Variants in ITIH3 observed in about 807,000 individuals in gnomAD.
ITIH3 encodes inter-alpha-trypsin inhibitor heavy chain H3.
ITIH3 carries 81 observed loss-of-function variants against 96.5 expected under a neutral mutation model. That is an observed-to-expected ratio of 0.84 (90% CI 0.70 to 1.01). The LOEUF (loss-of-function observed/expected upper bound fraction) is 1.01. Among genes scored for constraint, ITIH3 ranks in the 50% least tolerant of loss-of-function variants. The pLI, the probability that ITIH3 is intolerant of heterozygous loss-of-function variation, is 0.00. For missense variants in ITIH3, 1,057 were observed against 1,139.3 expected (o/e 0.93, Z 1.04); for synonymous variants, 422 against 445.2 (o/e 0.95, Z 0.66).
In ITIH3 at chr3:52,803,300, TTATTTATTTTATTTTATTATTATTA is replaced by T. The variant is rs1336788709; in HGVS notation, c.1709+496_1709+520del. ...TTTATTTATTTATTTATTTATTTAT[TTATTTATTTTATTTTATTATTATTA>T]TTTTTTTTTTTGAGACGGAGTCTCG... is the stretch of plus-strand genomic sequence containing the variant. On this transcript the variant is annotated intron_variant, in intron 13 of 21. Transcript: ENST00000449956. Among the ~76,000 whole-genome samples, 217 of 137,472 alleles carry T rather than the reference TTATTTATTTTATTTTATTATTATTA, an allele frequency of 1.6e-3. 7 individuals carry two copies. In the South Asian group the frequency reaches 0.043, roughly 27 times the overall value. The allele number at this position is 137,472 out of a possible 152,430, so 90.2% of individuals were successfully genotyped here.
intron 1 of ITIH3, among the ~76,000 whole-genome samples, chr3:52,795,243 G>T (rs970527849): frequency 4.6e-5 from 7 of 152,242 alleles, no homozygotes; most frequent in African/African-American, 7.2e-5. Context: ...TGTGGCGGGG[G>T]CAGGGGTGCT....
rs771958570 is a variant in ITIH3, at chr3:52,797,140, C to T, written c.422C>T (p.Ser141Leu). 150 of 1,609,566 alleles carry T rather than the reference C, an allele frequency of 9.3e-5. No individual in the cohort carries two copies. Among genetic ancestry groups the T allele is most frequent in the Admixed American group, 8.1e-4 (48 of 59,538 alleles). ...SGRKLEKFTV[S>L]VNVAAGSKVT... ...AGGAAGTTGGAGAAGTTCACAGTCTCGGTCAACGTGGCTGCAGGCAGCAAA... is the reference window on the plus strand; with the variant it reads ...AGGAAGTTGGAGAAGTTCACAGTCTTGGTCAACGTGGCTGCAGGCAGCAAA... The change falls in exon 5 of 22, where the codon TCG becomes TTG. Residue 141 changes from serine to leucine, a missense_variant. Ser to Leu is a moderately radical substitution (Grantham distance 145). Transcript: ENST00000449956.
Position 52,802,648 on chromosome 3 carries a change from CCTT to C in ITIH3, c.1570-16_1570-14del, listed in dbSNP as rs768459884. 6.2e-7 allele frequency: 1 copy of C among 1,613,704 alleles called. No homozygotes were observed. Among genetic ancestry groups the C allele is most frequent in the Non-Finnish European group, 8.5e-7 (1 of 1,179,862 alleles). ...CACCCAAGCCTCCAGCCCCTTGCCT[CCTT>C]CTACCCCCACCCTAGGCCACCAACG... is the stretch of plus-strand genomic sequence containing the variant. On this transcript the variant is annotated splice_polypyrimidine_tract_variant and intron_variant, in intron 12 of 21. Coordinates refer to ENST00000449956, the MANE Select transcript of ITIH3 (RefSeq NM_002217.4).
intron 8 of ITIH3, 54 bp downstream of exon 8, chr3:52,799,542 AT>A (rs922863466): frequency 0.039 from 37,602 of 968,164 alleles, no homozygotes; most frequent in South Asian, 0.059. Context: ...GGTGGAAGAG[AT>A]TTTTTTTTTT....
chr3:52,795,554 GTTGGCC>G (rs1699547631), intron 1 of ITIH3, 43 bp from the exon 2 acceptor site: 2 of 1,588,960 alleles, frequency 1.3e-6, no homozygotes, highest in Admixed American at 1.8e-5. Context: ...CGGCCTTGGT[GTTGGCC>G]TTGGCCTGAT....
Position 52,796,763 on chromosome 3 carries a change from T to G in ITIH3, c.306T>G (p.Pro102=). Residue 102 remains proline (P), a synonymous_variant, in exon 4 of 22, where the codon CCT becomes CCG. Coordinates refer to ENST00000449956, the MANE Select transcript of ITIH3 (RefSeq NM_002217.4). ...GGACCATCGACGGTGTTACCTACCC[T>G]GGGAATGTCAAGGAGAAGGAAGTTG... The part of the protein sequence containing the change: ...FTLTIDGVTY[P]GNVKEKEVAK... 1 of 1,612,816 alleles carries G rather than the reference T, an allele frequency of 6.2e-7. No homozygotes were observed. Among genetic ancestry groups the G allele is most frequent in the Non-Finnish European group, 8.5e-7 (1 of 1,179,414 alleles).
rs753561679 is a variant in ITIH3 at position 52,800,591 on chromosome 3, C to T, written c.1129C>T (p.Arg377Ter). 14 of 1,571,024 alleles carry T rather than the reference C, an allele frequency of 8.9e-6. No individual in the cohort carries two copies. Among genetic ancestry groups the T allele is most frequent in the African/African-American group, 4.1e-5 (3 of 73,930 alleles). Residue 377 changes from arginine (R) to a stop codon, truncating the protein, a stop_gained, in exon 10 of 22, where the codon CGA (arginine) becomes TGA (stop). Transcript: ENST00000449956. LOFTEE classifies it high-confidence loss of function. The stretch of plus-strand genomic sequence containing the variant: ...GGGCATCAGTATGCTGAACAAGGCC[C>T]GAGAGGAGCACAGAATCCCAGAGAG... Reference protein sequence around the residue: ...LRGISMLNKAREEHRIPERST... With the variant: ...LRGISMLNKA
chr3:52,807,934 T>C lies in ITIH3; in HGVS notation c.2431+18T>C, dbSNP rs1490471270. The C allele has an allele frequency of 1.2e-6, 2 of 1,610,364 alleles. No individual in the cohort carries two copies. The highest frequency in any genetic ancestry group is 1.7e-5 in the Admixed American group (1 of 59,542). ...GCTGCTGGGTACGAAGTGTTCAGACTGCAGGCTGTTCAGGCCTGAGAGCAG... is the reference window on the plus strand; with the variant it reads ...GCTGCTGGGTACGAAGTGTTCAGACCGCAGGCTGTTCAGGCCTGAGAGCAG... On this transcript the variant is annotated intron_variant, in intron 20 of 21. Coordinates refer to ENST00000449956, the MANE Select transcript of ITIH3 (RefSeq NM_002217.4).
At chr3:52,807,151 T>C in intron 19 of ITIH3, 46 bp downstream of exon 19, 3 of 1,483,904 alleles carry the variant, frequency 2.0e-6, no homozygotes, top group Non-Finnish European at 2.8e-6. Context: ...AGGGTGAGAG[T>C]CTAAGGAGGC....
chr3:52,807,798 G>A lies in ITIH3; in HGVS notation c.2313G>A (p.Gly771=), dbSNP rs753050194. Residue 771 remains glycine, a synonymous_variant, in exon 20 of 22, where the codon GGG becomes GGA. Transcript: ENST00000449956. ...RKNMVVSFGD[G]VTFVVVLHQV... Reference sequence around the variant, plus strand: ...ACATGGTGGTCTCCTTTGGAGATGGGGTTACCTTCGTGGTCGTCCTACACC... The same window carrying A: ...ACATGGTGGTCTCCTTTGGAGATGGAGTTACCTTCGTGGTCGTCCTACACC... 3.5e-5 allele frequency: 57 copies of A among 1,612,338 alleles called. No homozygotes were observed. The South Asian group carries it at 5.7e-4, about 16-fold the overall frequency.
Position 52,800,525 on chromosome 3 carries a change from G to A in ITIH3, c.1076-13G>A, listed in dbSNP as rs1267079123. The A allele has an allele frequency of 6.4e-7, 1 of 1,553,206 alleles. No homozygotes were observed. Among genetic ancestry groups the A allele is most frequent in the South Asian group, 1.2e-5 (1 of 84,102 alleles). On this transcript the variant is annotated splice_polypyrimidine_tract_variant and intron_variant, in intron 9 of 21. Coordinates refer to ENST00000449956, the MANE Select transcript of ITIH3 (RefSeq NM_002217.4). ...AGGACACCCTCCCACGGTGCTGTCTGTCTGTGTCCCAGTGACCAACATCAA... is the reference window on the plus strand; with the variant it reads ...AGGACACCCTCCCACGGTGCTGTCTATCTGTGTCCCAGTGACCAACATCAA...
intron 11 of ITIH3, chr3:52,802,121 G>A (rs1032215083): frequency 2.3e-5 from 11 of 480,740 alleles, no homozygotes; most frequent in Non-Finnish European, 3.7e-5. Flanking sequence ...AAATACTTCT[G>A]AAACTGTCCT....
chr3:52,795,607 G>T lies in ITIH3; in HGVS notation c.98G>T (p.Arg33Leu). 1 of 1,612,222 alleles carries T rather than the reference G, an allele frequency of 6.2e-7. No homozygotes were observed. The highest frequency in any genetic ancestry group is 8.5e-7 in the Non-Finnish European group (1 of 1,179,214). ...TGTTTGTTTTTGTTTTTTCAGAAAC[G>T]GAGCCTCCCGGAAGGGGTAAGAACT... ...PRSPFRLLGKRSLPEGVANGI... is the reference protein window; with the variant it reads ...PRSPFRLLGKLSLPEGVANGI... Residue 33 changes from arginine to leucine, a missense_variant, in exon 2 of 22, where the codon CGG (arginine) becomes CTG (leucine). Arg to Leu is a moderately radical substitution (Grantham distance 102, BLOSUM62 -2). Transcript: ENST00000449956.
chr3:52,797,871 T>TTCC lies in ITIH3; in HGVS notation c.604_605insTCC (p.Ser202delinsPhePro). 1 of 1,610,422 alleles carries TTCC rather than the reference T, an allele frequency of 6.2e-7. No individual in the cohort carries two copies. Among genetic ancestry groups the TTCC allele is most frequent in the Admixed American group, 1.7e-5 (1 of 59,702 alleles). On this transcript the variant is annotated protein_altering_variant, in exon 6 of 22. Transcript: ENST00000449956. The stretch of plus-strand genomic sequence containing the variant: ...AATCAGCATGCTGGATGCTGAGGCC[T>TTCC]CTTTCATCACCAACGACCTCCTGGG...
In ITIH3 at chr3:52,803,840, G is replaced by A. The variant is rs368382453; in HGVS notation, c.1710-15G>A. On this transcript the variant is annotated splice_polypyrimidine_tract_variant and intron_variant, in intron 13 of 21. Coordinates refer to ENST00000449956, the MANE Select transcript of ITIH3 (RefSeq NM_002217.4). Reference sequence around the variant, plus strand: ...TGCTCTCCAGGCTGTCCTCCTGACTGGCCCCTCCTCACAGCAAGAACGCCC... The same window carrying A: ...TGCTCTCCAGGCTGTCCTCCTGACTAGCCCCTCCTCACAGCAAGAACGCCC... 332 of 1,613,452 alleles carry A rather than the reference G, an allele frequency of 2.1e-4. 2 individuals are homozygous for A. Among genetic ancestry groups the A allele is most frequent in the Middle Eastern group, 9.9e-4 (6 of 6,042 alleles).
rs755718326 is a variant in ITIH3, at chr3:52,799,452, C to T, written c.870C>T (p.Asp290=). ...CTAAGAACGTGGCCTTTGTGATTGA[C>T]ATCAGCGGCTCCATGGCTGGTCGGA... The part of the protein sequence containing the change: ...VVPKNVAFVI[D]ISGSMAGRKL... Residue 290 remains aspartate (D), a synonymous_variant, in exon 8 of 22, where the codon GAC becomes GAT. Coordinates refer to ENST00000449956, the MANE Select transcript of ITIH3 (RefSeq NM_002217.4). The T allele has an allele frequency of 1.6e-5, 26 of 1,612,588 alleles. No homozygotes were observed. Among genetic ancestry groups the T allele is most frequent in the Admixed American group, 5.0e-5 (3 of 59,752 alleles).
rs777208814 is a variant in ITIH3, at chr3:52,806,389, T to G, written c.2039T>G (p.Ile680Ser). The change falls in exon 18 of 22, where the codon ATT (isoleucine) becomes AGT (serine). Residue 680 changes from isoleucine to serine, a missense_variant. Transcript: ENST00000449956. The part of the protein sequence containing the change: ...DEAPGTVLRL[I>S]QDAVTGLTVN... ...GCCCCAGGCACAGTGCTGCGCCTTATTCAGGATGCAGTCACAGGTGAGGCT... is the reference window on the plus strand; with the variant it reads ...GCCCCAGGCACAGTGCTGCGCCTTAGTCAGGATGCAGTCACAGGTGAGGCT... The G allele has an allele frequency of 6.2e-6, 10 of 1,613,200 alleles. No individual in the cohort carries two copies. Among genetic ancestry groups the G allele is most frequent in the East Asian group, 2.2e-5 (1 of 44,882 alleles).
chr3:52,798,368 C>T (rs1436188029), intron 6 of ITIH3, among the ~76,000 whole-genome samples: 3 of 152,182 alleles, frequency 2.0e-5, no homozygotes, highest in Non-Finnish European at 4.4e-5. Flanking sequence ...TGGCAGTGGA[C>T]AGTGGGTGAA....
In ITIH3 at chr3:52,796,900, G is replaced by C. The variant is rs1699608639; in HGVS notation, c.386+57G>C. On this transcript the variant is annotated intron_variant, in intron 4 of 21. Transcript: ENST00000449956. ...TGTCTGGGATCCAAGGGCCTTCAGG[G>C]CTACAAACAACAACAACAGCTATTA... The C allele has an allele frequency of 4.6e-6, 6 of 1,292,690 alleles. No individual in the cohort carries two copies. The Admixed American group carries it at 1.2e-4, about 25-fold the overall frequency. 80.1% of individuals were successfully genotyped at this position (1,292,690 alleles called of 1,614,324 possible). A position where few individuals can be genotyped will look rare whatever the true frequency, so the allele number is the denominator to read the frequency against.
Sources: gnomAD v4.1 joint callset for allele counts (sites outside exome capture counted in the v4.1 genomes callset) on GRCh38, gnomAD v4.1.1 for gene constraint, MANE v1.5 for transcripts, NCBI Gene and HGNC (gene_info 2026-07-23, HGNC 2026-07-21) for gene names.